CPXM2: variants seen among roughly 807,000 people sequenced by gnomAD.
CPXM2 encodes the protein carboxypeptidase X, M14 family member 2, also known as inactive carboxypeptidase-like protein X2.
CPXM2 carries 66 observed loss-of-function variants against 86.1 expected under a neutral mutation model. That is an observed-to-expected ratio of 0.77 (90% confidence interval 0.63 to 0.94). The LOEUF (loss-of-function observed/expected upper bound fraction) is 0.94. CPXM2 is among the 40% of genes least tolerant of loss of function. CPXM2 has a pLI of 0.00. For synonymous variants in CPXM2, 388 were observed against 400.2 expected, an observed-to-expected ratio of 0.97 and a Z score of 0.36; for missense variants, 948 against 1,026.3, an observed-to-expected ratio of 0.92 and a Z score of 1.04.
In CPXM2 at chr10:123,827,475, T is replaced by G. The variant is rs372986886; in HGVS notation, c.653+14874A>C. Among the ~76,000 whole-genome samples the G allele has an allele frequency of 2.0e-5, 3 of 152,154 alleles. No individual in the cohort carries two copies. In the East Asian group the frequency reaches 5.8e-4, roughly 29 times the overall value. On this transcript the variant is annotated intron_variant, in intron 4 of 13. Transcript: ENST00000241305. ...ACAATTGCTCAAAAAGACAAAATAC[T>G]TAGACGTAAACCTAACAAAAGGTTT...
Position 123,750,718 on chromosome 10 carries a change from A to AATACAAC in CPXM2, c.2018-3708_2018-3702dup, listed in dbSNP as rs1178631643. The AATACAAC allele has an allele frequency of 5.1e-6, 5 of 985,324 alleles. No individual in the cohort carries two copies. In the African/African-American group the frequency reaches 8.7e-5, roughly 17 times the overall value. The allele number at this position is 985,324 out of a possible 1,614,324, so 61.0% of individuals were successfully genotyped here. A position where few individuals can be genotyped will look rare whatever the true frequency, so the allele number is the denominator to read the frequency against. On this transcript the variant is annotated intron_variant, in intron 13 of 13. Coordinates refer to ENST00000241305, the MANE Select transcript of CPXM2 (RefSeq NM_198148.3). ...CTCAATAAGAAAGGTCAAAAGAATG[A>AATACAAC]ATACAACGATCAGGACTGTGTGTGG... is the stretch of plus-strand genomic sequence containing the variant.
chr10:123,842,464 A>G lies in CPXM2; in HGVS notation c.538T>C (p.Tyr180His), dbSNP rs62640881. 7.6e-4 allele frequency: 1,232 copies of G among 1,614,232 alleles called. No homozygotes were observed. The highest frequency in any genetic ancestry group is 9.7e-4 in the Non-Finnish European group (1,139 of 1,180,022). Residue 180 changes from tyrosine to histidine, a missense_variant, in exon 4 of 14, where the codon TAT (tyrosine) becomes CAT (histidine). Physicochemically the swap from Tyr to His is moderately conservative, Grantham distance 83. Transcript: ENST00000241305. ...IQAGINENDF[Y>H]DGAWCAGRND... ...CTTCCCGCGCACCACGCTCCGTCAT[A>G]AAAATCATTTTCATTAATGCCCGCC...
At chr10:123,780,768 A>T (rs1338566062) in intron 6 of CPXM2, among the ~76,000 whole-genome samples, 2 of 151,804 alleles carry the variant, frequency 1.3e-5, no homozygotes, top group Non-Finnish European at 2.9e-5. Context: ...TTCCTAAAAA[A>T]GTCCTATGTT....
chr10:123,851,388 C>A (rs1848594376), intron 3 of CPXM2, among the ~76,000 whole-genome samples: 1 of 152,192 alleles, frequency 6.6e-6, no homozygotes, highest in Non-Finnish European at 1.5e-5. Context: ...ATTGGGCATA[C>A]AGAACCACAG....
At chr10:123,840,169 CT>C (rs1461778232) in intron 4 of CPXM2, among the ~76,000 whole-genome samples, 1 of 152,206 alleles carries the variant, frequency 6.6e-6, no homozygotes, top group Non-Finnish European at 1.5e-5. Context: ...TCAAACCAGT[CT>C]TTTGTTTTAA....
chr10:123,775,401 T>C (rs977960002), intron 7 of CPXM2, among the ~76,000 whole-genome samples: 53 of 152,358 alleles, frequency 3.5e-4, no homozygotes, highest in African/African-American at 1.2e-3. Context: ...CATCACGAAC[T>C]AGGCAATGAA....
intron 1 of CPXM2, among the ~76,000 whole-genome samples, chr10:123,887,526 G>A (rs1401581603): frequency 1.3e-5 from 2 of 152,132 alleles, no homozygotes; most frequent in Non-Finnish European, 2.9e-5. Flanking sequence ...TTTTGATACT[G>A]TATACAACAG....
In CPXM2 at chr10:123,746,742, G is replaced by A. The variant is rs1383517333; in HGVS notation, c.*22C>T. On this transcript the variant is annotated 3_prime_UTR_variant, in exon 14 of 14. Coordinates refer to ENST00000241305, the MANE Select transcript of CPXM2 (RefSeq NM_198148.3). Reference sequence around the variant, plus strand: ...GGTTTAATTTGCATGGGTCCCAGACGAGTCTCAAGGGCCCAGGAGGGTCAC... The same window carrying A: ...GGTTTAATTTGCATGGGTCCCAGACAAGTCTCAAGGGCCCAGGAGGGTCAC... The A allele has an allele frequency of 4.3e-6, 7 of 1,612,024 alleles. No homozygotes were observed. The highest frequency in any genetic ancestry group is 3.4e-4 in the Middle Eastern group (2 of 5,862).
At chr10:123,880,155 C>A (rs1000992965) in intron 2 of CPXM2, 56 bp downstream of exon 2, 2 of 393,818 alleles carry the variant, frequency 5.1e-6, no homozygotes, top group Non-Finnish European at 9.7e-6. Flanking sequence ...TACCCACCCA[C>A]CCTCCCTGAA....
intron 2 of CPXM2, among the ~76,000 whole-genome samples, chr10:123,863,395 C>T (rs779954053): frequency 6.6e-6 from 1 of 152,188 alleles, no homozygotes; most frequent in Non-Finnish European, 1.5e-5. Flanking sequence ...CGAGAGGGGG[C>T]CACATGATGA....
Position 123,777,976 on chromosome 10 carries a change from G to A in CPXM2, c.978+2191C>T, listed in dbSNP as rs553998130. Reference sequence around the variant, plus strand: ...GCAACACACGCTATGAAGGTCCTCAGTATTTTCTTGGAATAATTCCCTTTC... The same window carrying A: ...GCAACACACGCTATGAAGGTCCTCAATATTTTCTTGGAATAATTCCCTTTC... On this transcript the variant is annotated intron_variant, in intron 7 of 13. Coordinates refer to ENST00000241305, the MANE Select transcript of CPXM2 (RefSeq NM_198148.3). Among the ~76,000 whole-genome samples, 68 of 152,290 alleles carry A rather than the reference G, an allele frequency of 4.5e-4. 3 individuals carry two copies. The South Asian group carries it at 0.014, about 31-fold the overall frequency.
Position 123,746,759 on chromosome 10 carries a change from G to A in CPXM2, c.*5C>T. On this transcript the variant is annotated 3_prime_UTR_variant, in exon 14 of 14. Coordinates refer to ENST00000241305, the MANE Select transcript of CPXM2 (RefSeq NM_198148.3). The stretch of plus-strand genomic sequence containing the variant: ...TCCCAGACGAGTCTCAAGGGCCCAG[G>A]AGGGTCACCCACGCTGTCGTCTCTT... 1.2e-6 allele frequency: 2 copies of A among 1,613,872 alleles called. No individual in the cohort carries two copies. Among genetic ancestry groups the A allele is most frequent in the African/African-American group, 1.3e-5 (1 of 75,040 alleles).
intron 2 of CPXM2, among the ~76,000 whole-genome samples, chr10:123,928,551 T>A (rs1467752491): frequency 6.6e-6 from 1 of 152,212 alleles, no homozygotes; most frequent in Non-Finnish European, 1.5e-5. Context: ...AACATCCCTA[T>A]CTCTATGTGA....
In CPXM2 at chr10:123,770,953, A is replaced by G; in HGVS notation, c.1065T>C (p.Ala355=). 4 of 1,614,164 alleles carry G rather than the reference A, an allele frequency of 2.5e-6. No individual in the cohort carries two copies. Among genetic ancestry groups the G allele is most frequent in the Non-Finnish European group, 3.4e-6 (4 of 1,179,990 alleles). The change falls in exon 8 of 14, where the codon GCT becomes GCC. Residue 355 remains alanine, a synonymous_variant. Transcript: ENST00000241305. ...CCCCAGGGTGATCTGAGATCTCCAC[A>G]GCATACAGCTTCAGGCCCTGGTGGC... The part of the protein sequence containing the change: ...GKSHQGLKLY[A]VEISDHPGEH...
At chr10:123,801,240 A>G (rs1258899719) in intron 4 of CPXM2, among the ~76,000 whole-genome samples, 1 of 152,080 alleles carries the variant, frequency 6.6e-6, no homozygotes, top group Non-Finnish European at 1.5e-5. Context: ...GTCTCACAAG[A>G]CCTGACGGTT....
At chr10:123,937,461 CAACAA>C (rs368445141) in intron 2 of CPXM2, among the ~76,000 whole-genome samples, 57 of 117,724 alleles carry the variant, frequency 4.8e-4, no homozygotes, top group African/African-American at 1.4e-3. Context: ...AAAAACAAGA[CAACAA>C]AACAACACAC....
intron 4 of CPXM2, among the ~76,000 whole-genome samples, chr10:123,800,456 T>G (rs1030368768): frequency 1.3e-5 from 2 of 152,134 alleles, no homozygotes; most frequent in Non-Finnish European, 2.9e-5. Context: ...CGGCAACAGC[T>G]CCTTCCTTTG....
At chr10:123,807,426 C>G (rs1847604425) in intron 4 of CPXM2, among the ~76,000 whole-genome samples, 1 of 152,160 alleles carries the variant, frequency 6.6e-6, no homozygotes, top group African/African-American at 2.4e-5. Flanking sequence ...TAAAGCTCTA[C>G]CTACATGAAA....
upstream of CPXM2, among the ~76,000 whole-genome samples, chr10:123,894,834 C>G (rs1317137195): frequency 6.6e-6 from 1 of 152,180 alleles, no homozygotes; most frequent in East Asian, 1.9e-4. Flanking sequence ...GCCCATGGTT[C>G]AGAGACCCAT....
Sources: gnomAD v4.1 joint callset for allele counts (sites outside exome capture counted in the v4.1 genomes callset) on GRCh38, gnomAD v4.1.1 for gene constraint, MANE v1.5 for transcripts, NCBI Gene and HGNC (gene_info 2026-07-23, HGNC 2026-07-21) for gene names.